Variants in TBC1D10B observed in about 807,000 individuals in gnomAD.
The protein encoded by TBC1D10B is TBC1 domain family member 10B.
In TBC1D10B, 25 loss-of-function variants were observed where a neutral mutation model predicts 78.4. The observed-to-expected ratio is 0.32, with a 90% CI of 0.23 to 0.45. The LOEUF (loss-of-function observed/expected upper bound fraction) is 0.45. Ranked by LOEUF, TBC1D10B falls within the 20% of genes least tolerant of loss-of-function variation. The pLI is 1.00. For missense variants in TBC1D10B, 996 were observed against 1,104.8 expected (o/e 0.90, Z 1.40); for synonymous variants, 517 against 478.0 (o/e 1.08, Z -1.06).
intron 7 of TBC1D10B, 119 bp from the exon 8 acceptor site, chr16:30,358,936 G>C (rs763187493): frequency 1.9e-5 from 25 of 1,349,572 alleles, no homozygotes; most frequent in Non-Finnish European, 2.5e-5. Context: ...TGAGGAAACT[G>C]AGGCCCTGTG....
At position 30,365,729 on chromosome 16, in the gene TBC1D10B, T is replaced by C. The variant is rs1202182341; in HGVS notation, c.957-135A>G. 1.2e-6 allele frequency: 1 copy of C among 803,492 alleles called. No homozygotes were observed. The highest frequency in any genetic ancestry group is 2.1e-5 in the Admixed American group (1 of 47,140). 49.8% of individuals were successfully genotyped at this position (803,492 alleles called of 1,614,324 possible). A position where few individuals can be genotyped will look rare whatever the true frequency, so the allele number is the denominator to read the frequency against. Reference sequence around the variant, plus strand: ...GTCTGTGAGCTGCCAAACATCAGGATGTCTGGCCACTTGGGCATCCCAAGG... The same window carrying C: ...GTCTGTGAGCTGCCAAACATCAGGACGTCTGGCCACTTGGGCATCCCAAGG... On this transcript the variant is annotated intron_variant, in intron 1 of 8. Coordinates refer to ENST00000409939, the MANE Select transcript of TBC1D10B (RefSeq NM_015527.4). This position sits in a 1 kb window ranked among gnomAD's most constrained non-coding sequence, Gnocchi z 5.0.
At chr16:30,366,941 T>C (rs2049641288) in intron 1 of TBC1D10B, 1 of 151,994 alleles carries the variant, frequency 6.6e-6, no homozygotes, top group Admixed American at 6.6e-5. Context: ...TCCCAGCACT[T>C]TGGGAGGCGG....
At position 30,365,386 on chromosome 16, in the gene TBC1D10B, C is replaced by A. The variant is rs554220076; in HGVS notation, c.1056+109G>T. 3,278 of 1,386,918 alleles carry A rather than the reference C, an allele frequency of 2.4e-3. 4 individuals carry two copies. Among genetic ancestry groups the A allele is most frequent in the Non-Finnish European group, 3.2e-3 (3,096 of 976,588 alleles). 85.9% of individuals were successfully genotyped at this position (1,386,918 alleles called of 1,614,324 possible). On this transcript the variant is annotated intron_variant, in intron 2 of 8. Coordinates refer to ENST00000409939, the MANE Select transcript of TBC1D10B (RefSeq NM_015527.4). This position sits in a 1 kb window ranked among gnomAD's most constrained non-coding sequence, Gnocchi z 5.0. ...CATTCCCCCGCCAGGGCCCATCTAT[C>A]CCCAGTGTGGTCCAGAGGGCAGATA... is the stretch of plus-strand genomic sequence containing the variant.
In TBC1D10B at chr16:30,357,464, A is replaced by G; in HGVS notation, c.*480T>C. ...AAGACAAAGCGAGCACCCCCACCCC[A>G]GGCCAACGCCATCCTCTGTACACAA... On this transcript the variant is annotated 3_prime_UTR_variant, in exon 9 of 9. Transcript: ENST00000409939. 5.6e-6 allele frequency: 1 copy of G among 178,184 alleles called. No individual in the cohort carries two copies. The highest frequency in any genetic ancestry group is 1.2e-5 in the Non-Finnish European group (1 of 81,854). 11.0% of individuals were successfully genotyped at this position (178,184 alleles called of 1,614,324 possible).
chr16:30,362,075 TC>T (rs1404053078), intron 4 of TBC1D10B, among the ~76,000 whole-genome samples: 1 of 151,844 alleles, frequency 6.6e-6, no homozygotes, highest in Non-Finnish European at 1.5e-5. Flanking sequence ...GGTCTCGAAC[TC>T]CTGACCTCAT....
chr16:30,370,237 C>A lies in TBC1D10B; in HGVS notation c.-54G>T. The A allele has an allele frequency of 1.0e-6, 1 of 961,204 alleles. No homozygotes were observed. Among genetic ancestry groups the A allele is most frequent in the African/African-American group, 1.7e-5 (1 of 57,514 alleles). The allele number at this position is 961,204 out of a possible 1,614,324, so 59.5% of individuals were successfully genotyped here. A position where few individuals can be genotyped will look rare whatever the true frequency, so the allele number is the denominator to read the frequency against. On this transcript the variant is annotated 5_prime_UTR_variant, in exon 1 of 9. Coordinates refer to ENST00000409939, the MANE Select transcript of TBC1D10B (RefSeq NM_015527.4). ...GCCGGGGAGGCCGCAGAAGGCGCCG[C>A]CCCTCGGGCCTCCCGGCGAGGCCAG...
Position 30,358,490 on chromosome 16 carries a change from C to T in TBC1D10B, c.1881G>A (p.Glu627=), listed in dbSNP as rs761962269. 6.2e-7 allele frequency: 1 copy of T among 1,600,560 alleles called. No homozygotes were observed. Among genetic ancestry groups the T allele is most frequent in the South Asian group, 1.1e-5 (1 of 88,984 alleles). Residue 627 remains glutamate, a synonymous_variant, in exon 9 of 9, where the codon GAG becomes GAA. Transcript: ENST00000409939. The part of the protein sequence containing the change: ...QLKKWRETRG[E]LQYRPSRRLH... ...GTCGCCGTGAGGGCCGATACTGCAG[C>T]TCCCCCCGCGTTTCCCGCCACTTCT...
chr16:30,370,149 G>A lies in TBC1D10B; in HGVS notation c.35C>T (p.Pro12Leu), dbSNP rs2049676793. 1.7e-6 allele frequency: 2 copies of A among 1,194,532 alleles called. No homozygotes were observed. The highest frequency in any genetic ancestry group is 1.6e-5 in the African/African-American group (1 of 62,764). The allele number at this position is 1,194,532 out of a possible 1,614,324, so 74.0% of individuals were successfully genotyped here. ...GGCCGCGGGGGCGCCATGACGGCGC[G>A]GCGGGGCCACCAGGGGCGCCGTGCC... Reference protein sequence around the residue: ...ETGTAPLVAPPRRHGAPAAPS... With the variant: ...ETGTAPLVAPLRRHGAPAAPS... The change falls in exon 1 of 9, where the codon CCG (proline) becomes CTG (leucine). Residue 12 changes from proline (P) to leucine (L), a missense_variant. Coordinates refer to ENST00000409939, the MANE Select transcript of TBC1D10B (RefSeq NM_015527.4).
In TBC1D10B at chr16:30,358,654, C is replaced by T. The variant is rs755362940; in HGVS notation, c.1797+9G>A. ...GCAGGCAGGGGCTGCGTTGAGGGCA[C>T]AGGCCTACCTCATGCACCAGGAAGT... On this transcript the variant is annotated intron_variant, in intron 8 of 8. Transcript: ENST00000409939. The T allele has an allele frequency of 8.8e-6, 14 of 1,597,952 alleles. No individual in the cohort carries two copies. The Admixed American group carries it at 2.2e-4, about 25-fold the overall frequency.
Position 30,365,925 on chromosome 16 carries a change from G to A in TBC1D10B, c.957-331C>T, listed in dbSNP as rs2049632166. ...TACCATTTATTCATTGTGTGACCTTGGGCAAATCACTTAATTTTGCTAAGC... is the reference window on the plus strand; with the variant it reads ...TACCATTTATTCATTGTGTGACCTTAGGCAAATCACTTAATTTTGCTAAGC... On this transcript the variant is annotated intron_variant, in intron 1 of 8. Transcript: ENST00000409939. This position sits in a 1 kb window ranked among gnomAD's most constrained non-coding sequence, Gnocchi z 5.0. 1 of 290,248 alleles carries A rather than the reference G, an allele frequency of 3.4e-6. No individual in the cohort carries two copies. The allele number at this position is 290,248 out of a possible 1,614,324, so 18.0% of individuals were successfully genotyped here.
In TBC1D10B at chr16:30,365,559, C is replaced by T. The variant is rs2049629807; in HGVS notation, c.992G>A (p.Arg331Gln). 3.7e-6 allele frequency: 6 copies of T among 1,613,980 alleles called. No homozygotes were observed. Among genetic ancestry groups the T allele is most frequent in the Non-Finnish European group, 5.1e-6 (6 of 1,179,904 alleles). ...GAACATGTCCAGCCATTTGAGCTCC[C>T]GCTGCCGAGCCACGTCCACGGGAAT... ...SSIPVDVARQ[R>Q]ELKWLDMFSN... The change falls in exon 2 of 9, where the codon CGG becomes CAG. Residue 331 changes from arginine to glutamine, a missense_variant. By Grantham distance (43) the Arg-to-Gln change is conservative (BLOSUM62 1). Around this residue, in one of 5 missense-constraint regions of TBC1D10B, gnomAD observed 93 missense variants for 152.7 expected, o/e 0.61. Transcript: ENST00000409939. The surrounding 1 kb of genome is among the most constrained non-coding windows in gnomAD (Gnocchi z 5.0).
intron 4 of TBC1D10B, chr16:30,360,088 C>T (rs2049589927): frequency 4.2e-6 from 2 of 473,950 alleles, no homozygotes; most frequent in Admixed American, 3.7e-5. Flanking sequence ...GCCCTCCTTC[C>T]TCAGCCACAT....
chr16:30,358,174 T>C lies in TBC1D10B; in HGVS notation c.2197A>G (p.Lys733Glu). 1 of 1,551,970 alleles carries C rather than the reference T, an allele frequency of 6.4e-7. No individual in the cohort carries two copies. The highest frequency in any genetic ancestry group is 8.7e-7 in the Non-Finnish European group (1 of 1,146,910). The change falls in exon 9 of 9, where the codon AAG (lysine) becomes GAG (glutamate). Residue 733 changes from lysine (K) to glutamate (E), a missense_variant. Lys to Glu is a moderately conservative substitution (Grantham distance 56, BLOSUM62 1). Coordinates refer to ENST00000409939, the MANE Select transcript of TBC1D10B (RefSeq NM_015527.4). Reference protein sequence around the residue: ...KQEKERQKQEKERQKQEKERE... With the variant: ...KQEKERQKQEEERQKQEKERE... ...TCCTTCTCCTGTTTCTGCCGCTCCTTCTCCTGTTTCTGCCGCTCCTTCTCC... is the reference window on the plus strand; with the variant it reads ...TCCTTCTCCTGTTTCTGCCGCTCCTCCTCCTGTTTCTGCCGCTCCTTCTCC...
At position 30,358,324 on chromosome 16, in the gene TBC1D10B, C is replaced by CG. The variant is rs2049572501; in HGVS notation, c.2046dup (p.Val683ArgfsTer17). ...GCAGGCCCAGCACTGGCTCTGCGGA[C>CG]GGGGGGCGGCGGGGACGGGGCCCCT... On this transcript the variant is annotated frameshift_variant, in exon 9 of 9. Coordinates refer to ENST00000409939, the MANE Select transcript of TBC1D10B (RefSeq NM_015527.4). LOFTEE classifies it high-confidence loss of function. 1.9e-6 allele frequency: 3 copies of CG among 1,564,584 alleles called. No homozygotes were observed. Among genetic ancestry groups the CG allele is most frequent in the African/African-American group, 1.4e-5 (1 of 73,546 alleles).
intron 4 of TBC1D10B, among the ~76,000 whole-genome samples, chr16:30,361,023 G>A (rs1422897723): frequency 2.0e-5 from 3 of 152,076 alleles, no homozygotes; most frequent in Non-Finnish European, 2.9e-5. Context: ...AGTAGCTCGC[G>A]CCTGTAATCC....
chr16:30,365,665 G>C lies in TBC1D10B; in HGVS notation c.957-71C>G. The C allele has an allele frequency of 7.0e-7, 1 of 1,424,308 alleles. No homozygotes were observed. The highest frequency in any genetic ancestry group is 9.8e-7 in the Non-Finnish European group (1 of 1,015,734). The allele number at this position is 1,424,308 out of a possible 1,614,324, so 88.2% of individuals were successfully genotyped here. A position where few individuals can be genotyped will look rare whatever the true frequency, so the allele number is the denominator to read the frequency against. On this transcript the variant is annotated intron_variant, in intron 1 of 8. Coordinates refer to ENST00000409939, the MANE Select transcript of TBC1D10B (RefSeq NM_015527.4). This position sits in a 1 kb window ranked among gnomAD's most constrained non-coding sequence, Gnocchi z 5.0. ...AAACCTGCATTGCAGGGGGAACTGAGGCAAGCCACCTCCCCAAGCTCAAAC... is the reference window on the plus strand; with the variant it reads ...AAACCTGCATTGCAGGGGGAACTGACGCAAGCCACCTCCCCAAGCTCAAAC...
rs769837412 is a variant in TBC1D10B, at chr16:30,369,686, G to C, written c.498C>G (p.Thr166=). 55 of 1,528,930 alleles carry C rather than the reference G, an allele frequency of 3.6e-5. No individual in the cohort carries two copies. Among genetic ancestry groups the C allele is most frequent in the Non-Finnish European group, 4.4e-5 (50 of 1,135,714 alleles). The allele number at this position is 1,528,930 out of a possible 1,614,324, so 94.7% of individuals were successfully genotyped here. Residue 166 remains threonine, a synonymous_variant, in exon 1 of 9, where the codon ACC becomes ACG. Transcript: ENST00000409939. The surrounding 1 kb of genome is among the most constrained non-coding windows in gnomAD (Gnocchi z 4.3). The part of the protein sequence containing the change: ...TPSRTAPGAL[T]AKPPLAPKPG... ...GCTTGGGGGCAAGCGGGGGTTTGGCGGTCAGGGCACCAGGAGCCGTTCTGG... is the reference window on the plus strand; with the variant it reads ...GCTTGGGGGCAAGCGGGGGTTTGGCCGTCAGGGCACCAGGAGCCGTTCTGG...
chr16:30,367,265 C>G (rs945526878), intron 1 of TBC1D10B: 2 of 152,130 alleles, frequency 1.3e-5, no homozygotes, highest in African/African-American at 4.8e-5. Flanking sequence ...TATGAGAAGA[C>G]TATTGAGAAA....
rs539518968 is a variant in TBC1D10B, at chr16:30,358,253, G to A, written c.2118C>T (p.Pro706=). Residue 706 remains proline, a synonymous_variant, in exon 9 of 9, where the codon CCC becomes CCT. Coordinates refer to ENST00000409939, the MANE Select transcript of TBC1D10B (RefSeq NM_015527.4). ...VTAEGLHPSL[P]SPTGNSTPLG... is the part of the protein sequence containing the mutation. ...AGGGGGTGCTATTGCCAGTGGGTGA[G>A]GGAAGGGATGGATGCAGTCCCTCAG... 6.4e-7 allele frequency: 1 copy of A among 1,570,366 alleles called. No individual in the cohort carries two copies. The highest frequency in any genetic ancestry group is 8.6e-7 in the Non-Finnish European group (1 of 1,157,676).
Sources: gnomAD v4.1 joint callset for allele counts (sites outside exome capture counted in the v4.1 genomes callset) on GRCh38, gnomAD v4.1.1 for gene constraint, gnomAD v4.1.1 regional missense constraint, Gnocchi (gnomAD v3.1) non-coding constraint, MANE v1.5 for transcripts, NCBI Gene and HGNC (gene_info 2026-07-23, HGNC 2026-07-21) for gene names.